The following NCOR1 variants were observed in gnomAD, a reference collection of about 807,000 sequenced individuals.
NCOR1 encodes the protein nuclear receptor corepressor 1.
A neutral mutation model predicts 288.1 loss-of-function variants in NCOR1; 63 were observed. That is an observed-to-expected ratio of 0.22 (90% CI 0.18 to 0.27). The LOEUF is 0.27. NCOR1 is among the 10% of genes least tolerant of loss of function. The pLI is 1.00. For synonymous variants in NCOR1, 1,007 were observed against 1,065.9 expected (o/e 0.94, Z 1.08); for missense variants, 2,397 against 3,019.2 (o/e 0.79, Z 4.83).
At chr17:16,171,105 CTA>C (rs1027628292) in intron 4 of NCOR1, among the ~76,000 whole-genome samples, 1 of 151,886 alleles carries the variant, frequency 6.6e-6, no homozygotes, top group East Asian at 1.9e-4. Context: ...CAAAAAAAAA[CTA>C]TGTGAGGTGA....
intron 2 of NCOR1, chr17:16,191,838 C>T (rs893438887): frequency 2.6e-5 from 4 of 152,132 alleles, no homozygotes; most frequent in South Asian, 2.1e-4. Flanking sequence ...AACAGCCAGG[C>T]GTCGTGACTC....
At chr17:16,037,502 G>T (rs151230268) in intron 44 of NCOR1, among the ~76,000 whole-genome samples, 1 of 152,106 alleles carries the variant, frequency 6.6e-6, no homozygotes, top group East Asian at 1.9e-4. Flanking sequence ...AACAAGGTTC[G>T]TCCTCCTGCC....
intron 40 of NCOR1, 177 bp from the exon 41 acceptor site, chr17:16,049,165 C>A: frequency 2.2e-5 from 10 of 462,262 alleles, no homozygotes; most frequent in Admixed American, 4.2e-5. Context: ...AAACAAACAA[C>A]AACAAAAAAA....
chr17:16,048,929 G>A lies in NCOR1; in HGVS notation c.6452C>T (p.Ser2151Phe). Residue 2151 changes from serine (S) to phenylalanine (F), a missense_variant, in exon 41 of 46, where the codon TCC becomes TTC. Ser to Phe is a radical substitution (Grantham distance 155). Coordinates refer to ENST00000268712, the MANE Select transcript of NCOR1 (RefSeq NM_006311.4). ...ATGCACAACCGGAACCTGGGGTGGG[G>A]AGATGGGCTCGTAGGGCTCCGAAGA... Reference protein sequence around the residue: ...HVSSEPYEPISPPQVPVVHEK... With the variant: ...HVSSEPYEPIFPPQVPVVHEK... 6.2e-7 allele frequency: 1 copy of A among 1,613,970 alleles called. No individual in the cohort carries two copies.
At chr17:16,172,179 C>A (rs1490661772) in intron 3 of NCOR1, among the ~76,000 whole-genome samples, 184 bp from the exon 4 acceptor site, 1 of 152,148 alleles carries the variant, frequency 6.6e-6, no homozygotes, top group Non-Finnish European at 1.5e-5. Flanking sequence ...CATTAAACTT[C>A]TAGTCTAATT....
At chr17:16,147,314 C>T (rs1222721192) in intron 9 of NCOR1, among the ~76,000 whole-genome samples, 5 of 152,112 alleles carry the variant, frequency 3.3e-5, no homozygotes, top group African/African-American at 9.6e-5. Context: ...GAGGCTGAGG[C>T]GGGAGAATCG....
At position 16,030,907 on chromosome 17, in the gene NCOR1, A is replaced by G. The variant is rs1354100109; in HGVS notation, c.*1389T>C. 5.2e-6 allele frequency: 1 copy of G among 193,632 alleles called. No individual in the cohort carries two copies. The highest frequency in any genetic ancestry group is 1.1e-5 in the Non-Finnish European group (1 of 92,972). 12.0% of individuals were successfully genotyped at this position (193,632 alleles called of 1,614,324 possible). On this transcript the variant is annotated 3_prime_UTR_variant, in exon 46 of 46. Coordinates refer to ENST00000268712, the MANE Select transcript of NCOR1 (RefSeq NM_006311.4). ...AGTTTAGGTCTACTTGAAAGTCTGT[A>G]AAGTGCTAATTTTTATCATCCTGAG...
intron 6 of NCOR1, among the ~76,000 whole-genome samples, chr17:16,154,997 C>G (rs991671096): frequency 6.6e-6 from 1 of 152,132 alleles, no homozygotes; most frequent in Non-Finnish European, 1.5e-5. Context: ...ACAGAATATA[C>G]TTCCTACCAT....
chr17:16,127,709 G>A lies in NCOR1; in HGVS notation c.1510-1503C>T, dbSNP rs535745625. ...TATATATACATATATGTATATATGT[G>A]TGTGTATATATACATATATGTGTAT... On this transcript the variant is annotated intron_variant, in intron 14 of 45. Transcript: ENST00000268712. 2.5e-4 allele frequency among the ~76,000 whole-genome samples: 32 copies of A among 126,470 alleles called. 1 individual carries two copies. The highest frequency in any genetic ancestry group is 4.0e-4 in the Non-Finnish European group (24 of 59,614). 83.0% of individuals were successfully genotyped at this position (126,470 alleles called of 152,430 possible).
chr17:16,094,157 G>C (rs1368181516), intron 21 of NCOR1, among the ~76,000 whole-genome samples: 1 of 151,994 alleles, frequency 6.6e-6, no homozygotes, highest in Non-Finnish European at 1.5e-5. Flanking sequence ...ACCCACCTCG[G>C]CCTCCCAAAA....
rs1971841716 is a variant in NCOR1 at position 16,030,751 on chromosome 17, C to T, written c.*1545G>A. 2 of 179,532 alleles carry T rather than the reference C, an allele frequency of 1.1e-5. No individual in the cohort carries two copies. Among genetic ancestry groups the T allele is most frequent in the Non-Finnish European group, 2.4e-5 (2 of 83,866 alleles). 11.1% of individuals were successfully genotyped at this position (179,532 alleles called of 1,614,324 possible). A position where few individuals can be genotyped will look rare whatever the true frequency, so the allele number is the denominator to read the frequency against. On this transcript the variant is annotated 3_prime_UTR_variant, in exon 46 of 46. Transcript: ENST00000268712. ...TGGCCTATCTCTGTCACTAATTTAACTATATGGGCAAAGTACTAAACCTGT... is the reference window on the plus strand; with the variant it reads ...TGGCCTATCTCTGTCACTAATTTAATTATATGGGCAAAGTACTAAACCTGT...
intron 7 of NCOR1, among the ~76,000 whole-genome samples, chr17:16,152,680 C>T (rs978560127): frequency 1.3e-5 from 2 of 151,416 alleles, no homozygotes; most frequent in East Asian, 1.9e-4. Context: ...GTAATGGGAT[C>T]GCTGGGTCAA....
At chr17:16,175,158 G>C (rs1353572076) in intron 3 of NCOR1, among the ~76,000 whole-genome samples, 1 of 152,166 alleles carries the variant, frequency 6.6e-6, no homozygotes, top group Non-Finnish European at 1.5e-5. Context: ...CTTGAGGTCA[G>C]GAGTTCGAGA....
intron 1 of NCOR1, among the ~76,000 whole-genome samples, chr17:16,206,908 T>C (rs977052288): frequency 2.6e-5 from 4 of 152,172 alleles, no homozygotes; most frequent in African/African-American, 9.7e-5. Flanking sequence ...TCAATTTCGG[T>C]ATATATATAA....
chr17:16,211,154 AG>A (rs1361412186), intron 1 of NCOR1, among the ~76,000 whole-genome samples: 1 of 152,236 alleles, frequency 6.6e-6, no homozygotes, highest in Non-Finnish European at 1.5e-5. Flanking sequence ...CAACTTAGGC[AG>A]GTAAATCACT....
In NCOR1 at chr17:16,092,097, A is replaced by G. The variant is rs758471775; in HGVS notation, c.2821-39T>C. The stretch of plus-strand genomic sequence containing the variant: ...ATAAATCGAAATATGCAAACAACCA[A>G]TGTAATAATTGCCATCTCTTAACAA... On this transcript the variant is annotated intron_variant, in intron 21 of 45. Transcript: ENST00000268712. 1.6e-5 allele frequency: 25 copies of G among 1,600,198 alleles called. No homozygotes were observed. In the Admixed American group the frequency reaches 2.5e-4, roughly 16 times the overall value.
chr17:16,042,935 C>T (rs1210069551), intron 42 of NCOR1, among the ~76,000 whole-genome samples: 1 of 152,150 alleles, frequency 6.6e-6, no homozygotes, highest in Non-Finnish European at 1.5e-5. Context: ...AGCGACCATT[C>T]AACTCCCCAG....
In NCOR1 at chr17:16,067,989, G is replaced by T. The variant is rs1444233291; in HGVS notation, c.4646C>A (p.Pro1549His). ...GCCTGCAGTGCTGCCTCTGTGATGGGGATCAAACGGACTGTGGCTCACGAC... is the reference window on the plus strand; with the variant it reads ...GCCTGCAGTGCTGCCTCTGTGATGGTGATCAAACGGACTGTGGCTCACGAC... ...DPVVSHSPFD[P>H]HHRGSTAGEV... The change falls in exon 32 of 46, where the codon CCC becomes CAC. Residue 1549 changes from proline to histidine, a missense_variant. Physicochemically the swap from Pro to His is moderately conservative, Grantham distance 77. Coordinates refer to ENST00000268712, the MANE Select transcript of NCOR1 (RefSeq NM_006311.4). 1.2e-6 allele frequency: 2 copies of T among 1,614,142 alleles called. No homozygotes were observed. Among genetic ancestry groups the T allele is most frequent in the Non-Finnish European group, 1.7e-6 (2 of 1,180,032 alleles).
rs965491764 is a variant in NCOR1, at chr17:16,065,407, C to T, written c.4951+78G>A. On this transcript the variant is annotated intron_variant, in intron 33 of 45. Transcript: ENST00000268712. ...TTCTTTCTTTCCATCATTCATTCAA[C>T]AAGTATTTACTGAGTACCTAAGAAA... The T allele has an allele frequency of 4.9e-6, 7 of 1,427,332 alleles. No individual in the cohort carries two copies. The African/African-American group carries it at 9.9e-5, about 20-fold the overall frequency. The allele number at this position is 1,427,332 out of a possible 1,614,324, so 88.4% of individuals were successfully genotyped here. A position where few individuals can be genotyped will look rare whatever the true frequency, so the allele number is the denominator to read the frequency against.
Sources: gnomAD v4.1 joint callset for allele counts (sites outside exome capture counted in the v4.1 genomes callset) on GRCh38, gnomAD v4.1.1 for gene constraint, MANE v1.5 for transcripts, NCBI Gene and HGNC (gene_info 2026-07-23, HGNC 2026-07-21) for gene names.